DAPK1: variants seen among roughly 807,000 people sequenced by gnomAD.
The protein encoded by DAPK1 is death associated protein kinase 1, also known as death-associated protein kinase 1.
A neutral mutation model predicts 144.9 loss-of-function variants in DAPK1; 56 were observed. The observed-to-expected ratio is 0.39, with a 90% CI of 0.31 to 0.48. The LOEUF is 0.48. DAPK1 is among the 20% of genes least tolerant of loss of function. The pLI is 0.95. For missense variants in DAPK1, 1,454 were observed against 1,875.4 expected (o/e 0.78, Z 4.15); for synonymous variants, 690 against 749.0 (o/e 0.92, Z 1.29).
In DAPK1 at chr9:87,497,941, C is replaced by T. The variant is rs762645135; in HGVS notation, c.-275C>T. On this transcript the variant is annotated 5_prime_UTR_variant, in exon 1 of 26. Transcript: ENST00000408954. ...TGTTCCCTCCGCGGAGGGGACTCGG[C>T]AACTCGCAGCGGCAGGGTCTGGGGC... The T allele has an allele frequency of 3.3e-5, 13 of 396,456 alleles. No individual in the cohort carries two copies. The highest frequency in any genetic ancestry group is 5.8e-5 in the Non-Finnish European group (13 of 225,246). The allele number at this position is 396,456 out of a possible 1,614,324, so 24.6% of individuals were successfully genotyped here.
chr9:87,599,726 A>G (rs1041012452), intron 2 of DAPK1, among the ~76,000 whole-genome samples: 2 of 152,196 alleles, frequency 1.3e-5, no homozygotes, highest in Admixed American at 6.5e-5. Flanking sequence ...GGGGAAAAAA[A>G]GTTGGTGTAC....
intron 3 of DAPK1, among the ~76,000 whole-genome samples, chr9:87,620,482 G>A (rs760135385): frequency 6.6e-6 from 1 of 151,962 alleles, no homozygotes; most frequent in Non-Finnish European, 1.5e-5. Flanking sequence ...ATGGGCTGGT[G>A]GTCCTCTGTC....
intron 3 of DAPK1, among the ~76,000 whole-genome samples, chr9:87,634,029 A>G (rs1328696724): frequency 6.6e-6 from 1 of 152,254 alleles, no homozygotes; most frequent in Admixed American, 6.5e-5. Flanking sequence ...TTGGGCTGTG[A>G]TGACCTAGTC....
intron 3 of DAPK1, among the ~76,000 whole-genome samples, chr9:87,606,012 C>A (rs1564019429): frequency 6.6e-6 from 1 of 152,204 alleles, no homozygotes; most frequent in Admixed American, 6.5e-5. Context: ...GATTTGAGGA[C>A]AAACCAATCC....
intron 2 of DAPK1, among the ~76,000 whole-genome samples, chr9:87,544,697 T>G (rs540890886): frequency 1.3e-5 from 2 of 152,326 alleles, no homozygotes; most frequent in South Asian, 2.1e-4. Flanking sequence ...GGGCTCTTAC[T>G]GGTGAGATGG....
intron 20 of DAPK1, among the ~76,000 whole-genome samples, chr9:87,684,208 A>G (rs1458599460): frequency 1.3e-5 from 2 of 152,230 alleles, no homozygotes; most frequent in Non-Finnish European, 2.9e-5. Flanking sequence ...TTGGGGGCCA[A>G]CGGAGCAGCG....
chr9:87,502,633 T>C (rs987404721), intron 2 of DAPK1, among the ~76,000 whole-genome samples: 2 of 152,180 alleles, frequency 1.3e-5, no homozygotes, highest in African/African-American at 4.8e-5. Flanking sequence ...TTGCACCATC[T>C]GACCTTATAT....
chr9:87,514,585 C>T (rs945085387), intron 2 of DAPK1, among the ~76,000 whole-genome samples: 1 of 152,196 alleles, frequency 6.6e-6, no homozygotes. Flanking sequence ...GAATTGAGCA[C>T]AAGAACCAGC....
At chr9:87,533,484 G>A (rs1168933223) in intron 2 of DAPK1, among the ~76,000 whole-genome samples, 1 of 152,224 alleles carries the variant, frequency 6.6e-6, no homozygotes, top group Non-Finnish European at 1.5e-5. Flanking sequence ...ACCTGCTCCT[G>A]TGGGGTGCTA....
chr9:87,621,615 G>C (rs536463467), intron 3 of DAPK1, among the ~76,000 whole-genome samples: 1 of 152,140 alleles, frequency 6.6e-6, no homozygotes, highest in Non-Finnish European at 1.5e-5. Context: ...GCTCAGGGTG[G>C]TCTGTGGTCT....
intron 2 of DAPK1, among the ~76,000 whole-genome samples, chr9:87,599,473 G>A (rs1195436685): frequency 2.0e-5 from 3 of 152,038 alleles, no homozygotes; most frequent in South Asian, 4.2e-4. Flanking sequence ...GCTCCTTTTC[G>A]CCGTGCGTTT....
intron 2 of DAPK1, among the ~76,000 whole-genome samples, chr9:87,589,874 A>G (rs1362932495): frequency 6.6e-6 from 1 of 152,184 alleles, no homozygotes; most frequent in Non-Finnish European, 1.5e-5. Flanking sequence ...CCACTCACCA[A>G]AATCTACCAT....
At chr9:87,646,947 C>T (rs1830287609) in intron 13 of DAPK1, among the ~76,000 whole-genome samples, 1 of 152,128 alleles carries the variant, frequency 6.6e-6, no homozygotes. Flanking sequence ...AGATCTGGCC[C>T]TCTGCAGTAA....
chr9:87,602,527 A>G (rs1049601091), intron 2 of DAPK1, among the ~76,000 whole-genome samples: 1 of 152,220 alleles, frequency 6.6e-6, no homozygotes, highest in African/African-American at 2.4e-5. Context: ...GAAACTTCCA[A>G]TATAGAACAT....
intron 2 of DAPK1, among the ~76,000 whole-genome samples, chr9:87,562,401 A>G (rs140887400): frequency 6.9e-4 from 105 of 152,278 alleles, no homozygotes; most frequent in African/African-American, 2.2e-3. Flanking sequence ...GCTGTCACAA[A>G]TTAAGGACTG....
In DAPK1 at chr9:87,686,272, G is replaced by A. The variant is rs535605288; in HGVS notation, c.2225-279G>A. ...GGCTGACCCTAAGCAGAAATCACAT[G>A]GCAAGCCAGCCTAGAGACACAATCC... On this transcript the variant is annotated intron_variant, in intron 20 of 25. Coordinates refer to ENST00000408954, the MANE Select transcript of DAPK1 (RefSeq NM_004938.4). The surrounding 1 kb of genome is among the most constrained non-coding windows in gnomAD (Gnocchi z 4.2). 1.1e-4 allele frequency among the ~76,000 whole-genome samples: 17 copies of A among 152,070 alleles called. No homozygotes were observed. The highest frequency in any genetic ancestry group is 2.2e-4 in the African/African-American group (9 of 41,390).
At chr9:87,618,264 C>A (rs535655380) in intron 3 of DAPK1, among the ~76,000 whole-genome samples, 34 of 152,308 alleles carry the variant, frequency 2.2e-4, no homozygotes, top group Non-Finnish European at 4.4e-4. Context: ...TGGCTCTAAT[C>A]AAAAAGACAG....
intron 2 of DAPK1, among the ~76,000 whole-genome samples, chr9:87,511,668 TTG>T (rs59377718): frequency 0.021 from 2,953 of 140,530 alleles, 43 homozygotes; most frequent in African/African-American, 0.026. Flanking sequence ...TCTTTTTCTT[TTG>T]TGTGTGTGTG....
chr9:87,683,114 G>T (rs539180012), intron 20 of DAPK1, among the ~76,000 whole-genome samples: 1 of 148,696 alleles, frequency 6.7e-6, no homozygotes, highest in Non-Finnish European at 1.5e-5. Flanking sequence ...ATGGAGTCTC[G>T]CTCTGTTGCC....
Sources: allele counts gnomAD v4.1 joint callset (sites outside exome capture counted in the v4.1 genomes callset), GRCh38; gene constraint gnomAD v4.1.1; non-coding constraint Gnocchi (gnomAD v3.1); transcripts MANE v1.5; gene names NCBI Gene and HGNC (gene_info 2026-07-23, HGNC 2026-07-21).